Variants in CNTNAP2 observed in about 807,000 individuals in gnomAD.
CNTNAP2 encodes contactin-associated protein-like 2.
CNTNAP2 carries 98 observed loss-of-function variants against 155.2 expected under a neutral mutation model. The ratio of observed to expected loss-of-function variants is 0.63; its 90% confidence interval spans 0.54 to 0.75. CNTNAP2 has a LOEUF of 0.75. Among genes scored for constraint, CNTNAP2 ranks in the 30% least tolerant of loss-of-function variants. The pLI is 0.00. For synonymous variants in CNTNAP2, 651 were observed against 631.2 expected, an observed-to-expected ratio of 1.03 and a Z score of -0.47; for missense variants, 1,727 against 1,688.1, an observed-to-expected ratio of 1.02 and a Z score of -0.40.
At chr7:146,603,884 A>G (rs1235356464) in intron 1 of CNTNAP2, among the ~76,000 whole-genome samples, 2 of 144,508 alleles carry the variant, frequency 1.4e-5, no homozygotes, top group Non-Finnish European at 3.0e-5. Flanking sequence ...AGGAAGCTGA[A>G]ACTGGATCCC....
chr7:146,820,016 T>C, intron 2 of CNTNAP2, among the ~76,000 whole-genome samples: 1 of 152,218 alleles, frequency 6.6e-6, no homozygotes, highest in East Asian at 1.9e-4. Flanking sequence ...TGGTATTTTC[T>C]TCACCAAATA....
intron 14 of CNTNAP2, among the ~76,000 whole-genome samples, chr7:147,948,787 G>T (rs1015477117): frequency 1.3e-5 from 2 of 151,666 alleles, no homozygotes; most frequent in Non-Finnish European, 2.9e-5. Flanking sequence ...ACCACTAATA[G>T]CCTACCGTTG....
intron 3 of CNTNAP2, among the ~76,000 whole-genome samples, chr7:146,973,695 A>G (rs1447726972): frequency 6.6e-6 from 1 of 152,204 alleles, no homozygotes; most frequent in East Asian, 1.9e-4. Flanking sequence ...CTCATAGCTT[A>G]ATAAAAATTA....
intron 10 of CNTNAP2, among the ~76,000 whole-genome samples, chr7:147,414,299 C>T (rs1396834046): frequency 6.6e-6 from 1 of 151,910 alleles, no homozygotes; most frequent in Non-Finnish European, 1.5e-5. Flanking sequence ...TGGCAGGTGA[C>T]TGTGATCCCA....
At chr7:147,274,054 A>C (rs1804835146) in intron 8 of CNTNAP2, among the ~76,000 whole-genome samples, 1 of 151,440 alleles carries the variant, frequency 6.6e-6, no homozygotes, top group Non-Finnish European at 1.5e-5. Context: ...ACACACACAC[A>C]AACACAGAGA....
At chr7:147,800,154 T>G (rs1476279115) in intron 13 of CNTNAP2, among the ~76,000 whole-genome samples, 2 of 152,214 alleles carry the variant, frequency 1.3e-5, no homozygotes, top group Non-Finnish European at 2.9e-5. Context: ...AGTGCCAAAT[T>G]TTGTCTATAC....
chr7:146,828,072 T>C (rs1803441052), intron 2 of CNTNAP2, among the ~76,000 whole-genome samples: 2 of 152,016 alleles, frequency 1.3e-5, no homozygotes, highest in Non-Finnish European at 2.9e-5. Context: ...TATAAAAACA[T>C]CATAAAAATT....
At chr7:146,497,836 A>C (rs62503558) in intron 1 of CNTNAP2, among the ~76,000 whole-genome samples, 62,884 of 147,794 alleles carry the variant, frequency 0.43, 14,596 homozygotes, top group African/African-American at 0.62. Context: ...TTAATATATA[A>C]TATATTTAAG....
intron 13 of CNTNAP2, among the ~76,000 whole-genome samples, chr7:147,767,487 T>A (rs1417776336): frequency 6.6e-6 from 1 of 152,150 alleles, no homozygotes; most frequent in Non-Finnish European, 1.5e-5. Flanking sequence ...GTCCATTATC[T>A]TCAGATGTGT....
At chr7:147,898,662 G>C (rs950970565) in intron 13 of CNTNAP2, among the ~76,000 whole-genome samples, 22 of 152,214 alleles carry the variant, frequency 1.4e-4, no homozygotes, top group African/African-American at 5.3e-4. Flanking sequence ...TGGGATTACA[G>C]GCACCTGCCA....
intron 4 of CNTNAP2, 51 bp downstream of exon 4, chr7:147,044,105 A>G: frequency 6.2e-7 from 1 of 1,600,974 alleles, no homozygotes; most frequent in South Asian, 1.1e-5. Flanking sequence ...TTATTTAAAT[A>G]GTAAGCTGTT....
chr7:146,209,270 C>T (rs1435530979), intron 1 of CNTNAP2, among the ~76,000 whole-genome samples: 4 of 152,124 alleles, frequency 2.6e-5, no homozygotes, highest in African/African-American at 4.8e-5. Flanking sequence ...TACAACCCTA[C>T]GAGTAGGCTG....
chr7:147,602,824 A>AT (rs566296774), intron 12 of CNTNAP2, among the ~76,000 whole-genome samples: 1 of 151,854 alleles, frequency 6.6e-6, no homozygotes, highest in Non-Finnish European at 1.5e-5. Context: ...TGAACTCATC[A>AT]TTTTTTATGG....
chr7:147,119,709 GAGAA>G (rs1227962935), intron 5 of CNTNAP2, among the ~76,000 whole-genome samples: 2 of 151,804 alleles, frequency 1.3e-5, no homozygotes, highest in African/African-American at 4.8e-5. Flanking sequence ...CATACAAAGG[GAGAA>G]AGGAAGGAAG....
At chr7:146,410,598 T>C (rs563076612) in intron 1 of CNTNAP2, among the ~76,000 whole-genome samples, 1 of 152,300 alleles carries the variant, frequency 6.6e-6, no homozygotes, top group Non-Finnish European at 1.5e-5. Flanking sequence ...TTTCATCACC[T>C]AGGTATTAAG....
chr7:148,157,340 A>G (rs1159876332), intron 17 of CNTNAP2, among the ~76,000 whole-genome samples: 1 of 152,198 alleles, frequency 6.6e-6, no homozygotes, highest in Admixed American at 6.5e-5. Context: ...TGGTTACCCA[A>G]TAAATATTTG....
chr7:147,547,181 C>T (rs1374168035), intron 11 of CNTNAP2, among the ~76,000 whole-genome samples: 4 of 152,156 alleles, frequency 2.6e-5, no homozygotes, highest in African/African-American at 7.2e-5. Flanking sequence ...TGCAAAGTTT[C>T]AATACAAAAG....
intron 1 of CNTNAP2, among the ~76,000 whole-genome samples, chr7:146,466,359 C>T (rs925285691): frequency 4.6e-5 from 7 of 152,116 alleles, no homozygotes; most frequent in Non-Finnish European, 7.4e-5. Context: ...TGTGCTGTTT[C>T]GTAGAACTTC....
chr7:147,564,413 T>C (rs1287881987), intron 12 of CNTNAP2, among the ~76,000 whole-genome samples: 1 of 152,110 alleles, frequency 6.6e-6, no homozygotes, highest in East Asian at 1.9e-4. Context: ...TTTTTATCTT[T>C]TTAGCACTAA....
Sources: allele counts gnomAD v4.1 joint callset (sites outside exome capture counted in the v4.1 genomes callset), GRCh38; gene constraint gnomAD v4.1.1; transcripts MANE v1.5; gene names NCBI Gene and HGNC (gene_info 2026-07-23, HGNC 2026-07-21).